GULP1: variants seen among roughly 807,000 people sequenced by gnomAD.
GULP1 encodes the protein PTB domain-containing engulfment adapter protein 1.
In GULP1, 19 loss-of-function variants were observed where a neutral mutation model predicts 40.9. That is an observed-to-expected ratio of 0.46 (90% CI 0.32 to 0.68). The LOEUF is 0.68. GULP1 is among the 30% of genes least tolerant of loss of function. The pLI is 0.03. For missense variants in GULP1, 312 were observed against 362.2 expected, an observed-to-expected ratio of 0.86 and a Z score of 1.12; for synonymous variants, 119 against 117.6, an observed-to-expected ratio of 1.01 and a Z score of -0.08.
At chr2:188,460,601 A>C (rs531743820) in intron 2 of GULP1, among the ~76,000 whole-genome samples, 1 of 152,154 alleles carries the variant, frequency 6.6e-6, no homozygotes, top group African/African-American at 2.4e-5. Flanking sequence ...TGCAAATAAA[A>C]ATAGTTTGGC....
chr2:188,592,034 A>G (rs957069355), intron 11 of GULP1: 1 of 151,956 alleles, frequency 6.6e-6, no homozygotes, highest in African/African-American at 2.4e-5. Context: ...ATAATATGTA[A>G]GGATCCTTAA....
intron 2 of GULP1, among the ~76,000 whole-genome samples, chr2:188,393,457 A>G (rs1017248940): frequency 6.6e-6 from 1 of 151,844 alleles, no homozygotes; most frequent in Non-Finnish European, 1.5e-5. Flanking sequence ...CTGAGTTTAT[A>G]TGAGTCTTTA....
At chr2:188,483,940 T>TAAA (rs1350596451) in intron 4 of GULP1, among the ~76,000 whole-genome samples, 3 of 152,168 alleles carry the variant, frequency 2.0e-5, no homozygotes, top group Non-Finnish European at 4.4e-5. Context: ...TTTTATTTTA[T>TAAA]TGAGATGAAG....
chr2:188,404,467 G>A (rs2052765455), intron 2 of GULP1, among the ~76,000 whole-genome samples: 1 of 152,148 alleles, frequency 6.6e-6, no homozygotes, highest in South Asian at 2.1e-4. Context: ...AGAGAAGTGA[G>A]CCCTGGGTTT....
chr2:188,395,671 C>T (rs1489594853), intron 2 of GULP1, among the ~76,000 whole-genome samples: 1 of 152,150 alleles, frequency 6.6e-6, no homozygotes, highest in African/African-American at 2.4e-5. Flanking sequence ...TGATATAGTG[C>T]ACTTCTCATT....
intron 2 of GULP1, among the ~76,000 whole-genome samples, chr2:188,388,175 T>C (rs2050036385): frequency 6.6e-6 from 1 of 151,962 alleles, no homozygotes; most frequent in African/African-American, 2.4e-5. Flanking sequence ...AATGATGATT[T>C]CCAATTTCAT....
chr2:188,530,731 T>C (rs1187171581), intron 6 of GULP1, among the ~76,000 whole-genome samples: 1 of 152,198 alleles, frequency 6.6e-6, no homozygotes, highest in Non-Finnish European at 1.5e-5. Context: ...TAAATTCCTG[T>C]TGGATAAGCC....
intron 11 of GULP1, chr2:188,592,334 G>A (rs1703730787): frequency 6.6e-6 from 1 of 151,840 alleles, no homozygotes; most frequent in Admixed American, 6.6e-5. Flanking sequence ...TATACCAGAA[G>A]ATGACATAAT....
intron 6 of GULP1, among the ~76,000 whole-genome samples, chr2:188,532,606 C>CT (rs1687825997): frequency 6.6e-6 from 1 of 152,022 alleles, no homozygotes; most frequent in Admixed American, 6.6e-5. Flanking sequence ...TTAAATGAGA[C>CT]TATTTGTTCC....
intron 4 of GULP1, among the ~76,000 whole-genome samples, chr2:188,505,475 A>G (rs2063811506): frequency 6.6e-6 from 1 of 151,830 alleles, no homozygotes; most frequent in Non-Finnish European, 1.5e-5. Context: ...GAAGCATATT[A>G]TAATATACAG....
At chr2:188,355,403 A>G (rs1574667464) in intron 1 of GULP1, among the ~76,000 whole-genome samples, 1 of 152,080 alleles carries the variant, frequency 6.6e-6, no homozygotes, top group East Asian at 1.9e-4. Flanking sequence ...TATGAACAAC[A>G]GTATGCAAAC....
chr2:188,422,606 T>C (rs1221096051), intron 2 of GULP1, among the ~76,000 whole-genome samples: 1 of 152,042 alleles, frequency 6.6e-6, no homozygotes, highest in Non-Finnish European at 1.5e-5. Context: ...ATTTATTATG[T>C]GCACATTTAT....
At chr2:188,409,590 A>G (rs779154676) in intron 2 of GULP1, among the ~76,000 whole-genome samples, 2 of 152,180 alleles carry the variant, frequency 1.3e-5, no homozygotes, top group African/African-American at 2.4e-5. Context: ...AAGAAAGAAT[A>G]CTTCCAAACT....
chr2:188,495,642 A>C (rs1417711946), intron 4 of GULP1, among the ~76,000 whole-genome samples: 2 of 152,184 alleles, frequency 1.3e-5, no homozygotes, highest in East Asian at 3.9e-4. Flanking sequence ...ACTACAACTT[A>C]ATGGCAAGCC....
At chr2:188,520,278 C>T (rs1404256720) in intron 4 of GULP1, among the ~76,000 whole-genome samples, 1 of 152,128 alleles carries the variant, frequency 6.6e-6, no homozygotes, top group African/African-American at 2.4e-5. Flanking sequence ...TGGCCCACAC[C>T]TGTAATCCCA....
chr2:188,292,528 C>G lies in GULP1; in HGVS notation c.-172+362C>G, dbSNP rs956270773. ...TAACTTTGGTCCGGCGGCGGGGGGC[C>G]GGTGAGCAGGAACTGGAGGGAGGCG... On this transcript the variant is annotated intron_variant, in intron 1 of 11. Transcript: ENST00000409830. This position sits in a 1 kb window ranked among gnomAD's most constrained non-coding sequence, Gnocchi z 4.0. Among the ~76,000 whole-genome samples the G allele has an allele frequency of 1.4e-4, 21 of 151,378 alleles. No individual in the cohort carries two copies. Among genetic ancestry groups the G allele is most frequent in the African/African-American group, 4.6e-4 (19 of 41,138 alleles).
At chr2:188,404,697 G>C (rs997827469) in intron 2 of GULP1, among the ~76,000 whole-genome samples, 1 of 151,946 alleles carries the variant, frequency 6.6e-6, no homozygotes, top group Non-Finnish European at 1.5e-5. Context: ...GCCATGGACT[G>C]GTCCAGCATT....
Position 188,292,530 on chromosome 2 carries a change from G to C in GULP1, c.-172+364G>C, listed in dbSNP as rs1326658892. Among the ~76,000 whole-genome samples the C allele has an allele frequency of 6.6e-6, 1 of 152,132 alleles. No individual in the cohort carries two copies. Among genetic ancestry groups the C allele is most frequent in the East Asian group, 1.9e-4 (1 of 5,154 alleles). ...ACTTTGGTCCGGCGGCGGGGGGCCG[G>C]TGAGCAGGAACTGGAGGGAGGCGGT... On this transcript the variant is annotated intron_variant, in intron 1 of 11. Transcript: ENST00000409830. The surrounding 1 kb of genome is among the most constrained non-coding windows in gnomAD (Gnocchi z 4.0).
chr2:188,432,115 A>T (rs572497578), intron 2 of GULP1, among the ~76,000 whole-genome samples: 486 of 151,732 alleles, frequency 3.2e-3, no homozygotes, highest in African/African-American at 0.011. Flanking sequence ...ATTGTCTGTC[A>T]CTTCAGCATT....
Sources: gnomAD v4.1 joint callset for allele counts (sites outside exome capture counted in the v4.1 genomes callset) on GRCh38, gnomAD v4.1.1 for gene constraint, Gnocchi (gnomAD v3.1) non-coding constraint, MANE v1.5 for transcripts, NCBI Gene and HGNC (gene_info 2026-07-23, HGNC 2026-07-21) for gene names.